ZIM2: variants seen among roughly 807,000 people sequenced by gnomAD.
The protein encoded by ZIM2 is zinc finger imprinted 2, also known as zinc finger protein 656.
ZIM2 carries 14 observed loss-of-function variants against 38.6 expected under a neutral mutation model. That is an observed-to-expected ratio of 0.36 (90% confidence interval 0.24 to 0.57). ZIM2 has a LOEUF of 0.57. ZIM2 is among the 20% of genes least tolerant of loss of function. The probability of loss-of-function intolerance (pLI) is 0.81; values close to 1 mark genes in which losing one functional copy is unlikely to be tolerated. For synonymous variants in ZIM2, 247 were observed against 245.8 expected (o/e 1.00, Z -0.04); for missense variants, 680 against 695.1 (o/e 0.98, Z 0.24).
intron 9 of ZIM2, among the ~76,000 whole-genome samples, chr19:56,803,602 G>A (rs775451789): frequency 3.3e-5 from 5 of 152,196 alleles, no homozygotes; most frequent in Non-Finnish European, 7.3e-5. Flanking sequence ...AAGGAAAGGG[G>A]CAGGTTAAAC....
chr19:56,835,776 G>T (rs138056312), intron 2 of ZIM2, among the ~76,000 whole-genome samples: 7 of 152,308 alleles, frequency 4.6e-5, no homozygotes, highest in African/African-American at 1.7e-4. Flanking sequence ...AAAAAGAGTA[G>T]CCCTGAAGGA....
At chr19:56,800,032 A>G (rs1411855966) in intron 9 of ZIM2, among the ~76,000 whole-genome samples, 1 of 152,202 alleles carries the variant, frequency 6.6e-6, no homozygotes, top group Non-Finnish European at 1.5e-5. Context: ...AAGGAGACAG[A>G]GTTGGAGACT....
At chr19:56,812,819 A>T (rs1237515690) in intron 9 of ZIM2, 5 of 439,006 alleles carry the variant, frequency 1.1e-5, no homozygotes, top group Non-Finnish European at 1.3e-5. Flanking sequence ...TGAGTTGGTT[A>T]AAAAAAAAAA....
At chr19:56,787,921 G>A (rs577599736) in intron 10 of ZIM2, among the ~76,000 whole-genome samples, 1 of 151,756 alleles carries the variant, frequency 6.6e-6, no homozygotes, top group Admixed American at 6.6e-5. Context: ...ATTTCTGTGG[G>A]ATCAGTGATG....
chr19:56,799,642 CCTA>C (rs1342511395), intron 9 of ZIM2: 1 of 152,136 alleles, frequency 6.6e-6, no homozygotes, highest in African/African-American at 2.4e-5. Context: ...TAAACATATA[CCTA>C]CTACCTGATC....
At chr19:56,792,009 C>T (rs1296991545) in intron 9 of ZIM2, among the ~76,000 whole-genome samples, 1 of 150,078 alleles carries the variant, frequency 6.7e-6, no homozygotes, top group African/African-American at 2.4e-5. Flanking sequence ...ATTAATGCCA[C>T]AAGCAATCCC....
chr19:56,823,722 T>G (rs1294533836), intron 4 of ZIM2, 43 bp from the exon 5 acceptor site: 1 of 1,608,500 alleles, frequency 6.2e-7, no homozygotes, highest in South Asian at 1.1e-5. Context: ...CTGGCCCACA[T>G]TCTCACAATA....
chr19:56,834,026 T>C (rs1305126810), intron 2 of ZIM2, among the ~76,000 whole-genome samples: 1 of 152,206 alleles, frequency 6.6e-6, no homozygotes, highest in Non-Finnish European at 1.5e-5. Flanking sequence ...GAGGAAATAA[T>C]ATCTAAGAGT....
At chr19:56,826,048 C>G (rs1450344235) in intron 3 of ZIM2, among the ~76,000 whole-genome samples, 2 of 152,202 alleles carry the variant, frequency 1.3e-5, no homozygotes, top group Non-Finnish European at 2.9e-5. Flanking sequence ...TCCTGAAGAC[C>G]TTAGCGACTG....
At position 56,780,239 on chromosome 19, in the gene ZIM2, T is replaced by C. The variant is rs2077707778; in HGVS notation, c.740-767A>G. On this transcript the variant is annotated intron_variant, in intron 11 of 12. Coordinates refer to ENST00000629319, the MANE Select transcript of ZIM2 (RefSeq NM_001387356.1). Reference sequence around the variant, plus strand: ...TTTTAACTTAGATATGCTTATTTTCTTTTTTCTTTTTTTTTTTTTTTGAGA... The same window carrying C: ...TTTTAACTTAGATATGCTTATTTTCCTTTTTCTTTTTTTTTTTTTTTGAGA... 2.3e-5 allele frequency among the ~76,000 whole-genome samples: 3 copies of C among 131,598 alleles called. No homozygotes were observed. The South Asian group carries it at 7.6e-4, about 34-fold the overall frequency. The allele number at this position is 131,598 out of a possible 152,430, so 86.3% of individuals were successfully genotyped here.
Position 56,822,825 on chromosome 19 carries a change from A to G in ZIM2, c.118T>C (p.Trp40Arg), listed in dbSNP as rs1039068297. The G allele has an allele frequency of 3.7e-6, 6 of 1,613,710 alleles. No homozygotes were observed. The South Asian group carries it at 6.6e-5, about 18-fold the overall frequency. The change falls in exon 6 of 13, where the codon TGG becomes CGG. Residue 40 changes from tryptophan to arginine, a missense_variant. Coordinates refer to ENST00000629319, the MANE Select transcript of ZIM2 (RefSeq NM_001387356.1). The part of the protein sequence containing the change: ...SVHSFSGDRD[W>R]DRRGRSRDME... ...TCTCTGCTTCTGCCCCTCCGGTCCC[A>G]GTCCCGGTCACCTAAGCAGGTGAGA... is the stretch of plus-strand genomic sequence containing the variant.
At chr19:56,803,132 A>G (rs918565576) in intron 9 of ZIM2, among the ~76,000 whole-genome samples, 1 of 152,196 alleles carries the variant, frequency 6.6e-6, no homozygotes, top group African/African-American at 2.4e-5. Context: ...AGACCCTCAT[A>G]AAAGAAAGGG....
At chr19:56,818,007 A>AATCCATTCTAATCTAC (rs1386661412) in intron 8 of ZIM2, among the ~76,000 whole-genome samples, 169 bp from the exon 9 acceptor site, 10 of 152,134 alleles carry the variant, frequency 6.6e-5, no homozygotes, top group Non-Finnish European at 4.4e-5. Flanking sequence ...TCTATTCCCT[A>AATCCATTCTAATCTAC]ATCCATTCTA....
intron 9 of ZIM2, among the ~76,000 whole-genome samples, chr19:56,805,777 G>C (rs1362063033): frequency 6.6e-6 from 1 of 152,164 alleles, no homozygotes; most frequent in Non-Finnish European, 1.5e-5. Flanking sequence ...AGGTTTTCCA[G>C]ATTAAAGGAG....
At chr19:56,813,558 G>T in intron 9 of ZIM2, 1 of 1,456,726 alleles carries the variant, frequency 6.9e-7, no homozygotes, top group Non-Finnish European at 9.1e-7. Flanking sequence ...TAAGTCAGGT[G>T]TGTAACACAC....
intron 2 of ZIM2, among the ~76,000 whole-genome samples, chr19:56,828,451 T>C (rs138217938): frequency 9.9e-5 from 15 of 152,272 alleles, no homozygotes; most frequent in South Asian, 4.1e-4. Context: ...TGCACAAAGA[T>C]ATACAGTTCA....
chr19:56,787,718 T>G (rs1369798554), intron 10 of ZIM2, among the ~76,000 whole-genome samples: 5 of 150,988 alleles, frequency 3.3e-5, no homozygotes, highest in Non-Finnish European at 5.9e-5. Context: ...GGGTTTTTTT[T>G]TTTTTTTTTT....
At chr19:56,825,746 GA>G (rs1049486945) in intron 3 of ZIM2, among the ~76,000 whole-genome samples, 5 of 151,402 alleles carry the variant, frequency 3.3e-5, no homozygotes, top group African/African-American at 9.7e-5. Context: ...TTCCAGAGAA[GA>G]AAAAAAACCA....
intron 9 of ZIM2, chr19:56,813,695 G>A: frequency 6.2e-7 from 1 of 1,613,384 alleles, no homozygotes; most frequent in Non-Finnish European, 8.5e-7. Context: ...TGGGTATTCT[G>A]GTGTCTGGCG....
Sources: allele counts gnomAD v4.1 joint callset (sites outside exome capture counted in the v4.1 genomes callset), GRCh38; gene constraint gnomAD v4.1.1; transcripts MANE v1.5; gene names NCBI Gene and HGNC (gene_info 2026-07-23, HGNC 2026-07-21).